KCNQ3: variants seen among roughly 807,000 people sequenced by gnomAD.
KCNQ3 encodes potassium voltage-gated channel subfamily Q member 3, also known as potassium voltage-gated channel subfamily KQT member 3.
In KCNQ3, 30 loss-of-function variants were observed where a neutral mutation model predicts 92.5. The ratio of observed to expected loss-of-function variants is 0.32; its 90% CI spans 0.24 to 0.44. KCNQ3 has a LOEUF of 0.44. Ranked by LOEUF, KCNQ3 falls within the 20% of genes least tolerant of loss-of-function variation. KCNQ3 has a pLI of 1.00. For missense variants in KCNQ3, 913 were observed against 1,140.3 expected, an observed-to-expected ratio of 0.80 and a Z score of 2.87; for synonymous variants, 450 against 468.8, an observed-to-expected ratio of 0.96 and a Z score of 0.52.
At chr8:132,194,429 G>T (rs1827249417) in intron 1 of KCNQ3, among the ~76,000 whole-genome samples, 1 of 152,188 alleles carries the variant, frequency 6.6e-6, no homozygotes, top group African/African-American at 2.4e-5. Flanking sequence ...CCCCAAAAAG[G>T]ATGTTTGAGT....
chr8:132,228,607 A>G (rs1434433082), intron 1 of KCNQ3, among the ~76,000 whole-genome samples: 1 of 152,138 alleles, frequency 6.6e-6, no homozygotes, highest in Non-Finnish European at 1.5e-5. Flanking sequence ...TTTTATTGCT[A>G]TCTGATATAT....
Position 132,390,780 on chromosome 8 carries a change from G to A in KCNQ3, c.386+89367C>T, listed in dbSNP as rs1015605196. ...CCATGAAGGGTTTGGAGTATTTACC[G>A]GCACATTTTAAGTACCCGATCAGCA... On this transcript the variant is annotated intron_variant, in intron 1 of 14. Transcript: ENST00000388996. Among the ~76,000 whole-genome samples, 7 of 152,234 alleles carry A rather than the reference G, an allele frequency of 4.6e-5. 1 individual carries two copies. In the East Asian group the frequency reaches 5.8e-4, roughly 13 times the overall value.
intron 1 of KCNQ3, among the ~76,000 whole-genome samples, chr8:132,204,136 A>G (rs564606833): frequency 6.6e-6 from 1 of 152,324 alleles, no homozygotes; most frequent in Admixed American, 6.5e-5. Flanking sequence ...GCATCTTAGA[A>G]CTGATGAAAC....
intron 4 of KCNQ3, among the ~76,000 whole-genome samples, chr8:132,179,484 A>C (rs1826680864): frequency 6.6e-6 from 1 of 152,078 alleles, no homozygotes; most frequent in Non-Finnish European, 1.5e-5. Flanking sequence ...TTGTCAGTGT[A>C]ATGGAGTGGC....
At chr8:132,308,338 G>A (rs1817492360) in intron 1 of KCNQ3, among the ~76,000 whole-genome samples, 1 of 152,072 alleles carries the variant, frequency 6.6e-6, no homozygotes, top group South Asian at 2.1e-4. Context: ...AGGAAGCCAG[G>A]CAGAATCTAC....
chr8:132,193,789 A>G (rs978187819), intron 1 of KCNQ3, among the ~76,000 whole-genome samples: 2 of 152,194 alleles, frequency 1.3e-5, no homozygotes, highest in African/African-American at 4.8e-5. Flanking sequence ...CTCCAAGCTC[A>G]GGCAGGAGGG....
At chr8:132,221,040 C>A (rs112426881) in intron 1 of KCNQ3, among the ~76,000 whole-genome samples, 4,875 of 152,200 alleles carry the variant, frequency 0.032, 135 homozygotes, top group Non-Finnish European at 0.048. Context: ...TTGTTCAATT[C>A]CCACCTATGA....
At chr8:132,341,646 G>A (rs999390737) in intron 1 of KCNQ3, among the ~76,000 whole-genome samples, 1 of 152,214 alleles carries the variant, frequency 6.6e-6, no homozygotes, top group Non-Finnish European at 1.5e-5. Context: ...CCATTCCACT[G>A]TGGGCTTAAT....
At chr8:132,414,103 T>C (rs1820728415) in intron 1 of KCNQ3, among the ~76,000 whole-genome samples, 1 of 152,228 alleles carries the variant, frequency 6.6e-6, no homozygotes, top group African/African-American at 2.4e-5. Flanking sequence ...CTACCATGTA[T>C]TGACTTCCTA....
At chr8:132,308,332 A>G (rs1457787) in intron 1 of KCNQ3, among the ~76,000 whole-genome samples, 118,381 of 152,010 alleles carry the variant, frequency 0.78, 46,556 homozygotes, top group East Asian at 0.93. Context: ...CAGATAAGGA[A>G]GCCAGGCAGA....
intron 9 of KCNQ3, among the ~76,000 whole-genome samples, chr8:132,150,057 C>A (rs367962683): frequency 1.4e-5 from 2 of 147,260 alleles, no homozygotes; most frequent in African/African-American, 5.1e-5. Context: ...TGTCAGCAGA[C>A]GACTTTTAAA....
At chr8:132,211,423 G>C (rs573437656) in intron 1 of KCNQ3, among the ~76,000 whole-genome samples, 89 of 152,232 alleles carry the variant, frequency 5.8e-4, no homozygotes, top group African/African-American at 2.1e-3. Flanking sequence ...ATTCTCTCCT[G>C]TCTAGTAAAG....
At chr8:132,184,712 G>A (rs1826908127) in intron 2 of KCNQ3, among the ~76,000 whole-genome samples, 2 of 152,116 alleles carry the variant, frequency 1.3e-5, no homozygotes, top group Non-Finnish European at 2.9e-5. Flanking sequence ...AGTGCAGTTG[G>A]GTTGAAAAGA....
At chr8:132,318,570 T>C (rs1239710866) in intron 1 of KCNQ3, among the ~76,000 whole-genome samples, 1 of 152,206 alleles carries the variant, frequency 6.6e-6, no homozygotes, top group East Asian at 1.9e-4. Context: ...GGTGAGGGGA[T>C]TTCTTGTGTG....
intron 1 of KCNQ3, among the ~76,000 whole-genome samples, chr8:132,439,713 G>A (rs2130835518): frequency 6.6e-6 from 1 of 152,230 alleles, no homozygotes; most frequent in African/African-American, 2.4e-5. Flanking sequence ...GAGGAATGCA[G>A]GTAGCCTCAA....
chr8:132,334,993 T>TCTTCCTTCCTTCCTTC (rs68135959), intron 1 of KCNQ3, among the ~76,000 whole-genome samples: 19 of 149,516 alleles, frequency 1.3e-4, no homozygotes, highest in African/African-American at 4.5e-4. Context: ...TAGACATTTT[T>TCTTCCTTCCTTCCTTC]CTTCCTTCCT....
At chr8:132,204,354 C>T (rs1354644495) in intron 1 of KCNQ3, among the ~76,000 whole-genome samples, 1 of 152,214 alleles carries the variant, frequency 6.6e-6, no homozygotes, top group Non-Finnish European at 1.5e-5. Context: ...CAGCTGTGCA[C>T]TATCCCTGCC....
At chr8:132,205,929 A>G (rs1813643203) in intron 1 of KCNQ3, among the ~76,000 whole-genome samples, 1 of 152,140 alleles carries the variant, frequency 6.6e-6, no homozygotes, top group Non-Finnish European at 1.5e-5. Flanking sequence ...GAAGTCCCTC[A>G]GCTGCTCTTC....
chr8:132,374,251 C>T (rs901082021), intron 1 of KCNQ3, among the ~76,000 whole-genome samples: 2 of 152,176 alleles, frequency 1.3e-5, no homozygotes, highest in African/African-American at 4.8e-5. Flanking sequence ...GCAAAACCTA[C>T]CAGCCCCTTT....
Sources: gnomAD v4.1 joint callset for allele counts (sites outside exome capture counted in the v4.1 genomes callset) on GRCh38, gnomAD v4.1.1 for gene constraint, MANE v1.5 for transcripts, NCBI Gene and HGNC (gene_info 2026-07-23, HGNC 2026-07-21) for gene names.